Variants in SYNC observed in about 807,000 individuals in gnomAD.
SYNC encodes syncoilin.
A neutral mutation model predicts 49.5 loss-of-function variants in SYNC; 38 were observed. The observed-to-expected ratio is 0.77, with a 90% CI of 0.59 to 1.01. The LOEUF (loss-of-function observed/expected upper bound fraction) is 1.01, where lower values mean the gene tolerates loss of function less well. Ranked by LOEUF, SYNC falls within the 50% of genes least tolerant of loss-of-function variation. The pLI is 0.00. For missense variants in SYNC, 579 were observed against 580.6 expected (o/e 1.00, Z 0.03); for synonymous variants, 201 against 230.8 (o/e 0.87, Z 1.17).
chr1:32,689,863 C>T (rs1362911552), intron 2 of SYNC, among the ~76,000 whole-genome samples: 1 of 150,864 alleles, frequency 6.6e-6, no homozygotes, highest in Non-Finnish European at 1.5e-5. Flanking sequence ...ATCGCTTGAA[C>T]CCGGGAGGCA....
At chr1:32,696,658 C>T (rs1168208629) in intron 1 of SYNC, among the ~76,000 whole-genome samples, 1 of 152,178 alleles carries the variant, frequency 6.6e-6, no homozygotes, top group African/African-American at 2.4e-5. Flanking sequence ...CCATGTTAGT[C>T]AGGCTGTTCT....
chr1:32,701,117 G>T (rs1380396997), intron 1 of SYNC, among the ~76,000 whole-genome samples: 1 of 152,078 alleles, frequency 6.6e-6, no homozygotes, highest in Non-Finnish European at 1.5e-5. Flanking sequence ...GTTTCACCAT[G>T]TTGGCCGGGC....
rs150694926 is a variant in SYNC at position 32,695,052 on chromosome 1, C to T, written c.1046G>A (p.Arg349Gln). ...LEEEYEPQFL[R>Q]LLERKEAGTK... is the part of the protein sequence containing the mutation. ...CCCAGCTTCTTTCCTCTCTAGGAGC[C>T]GCAGGAACTGAGGCTCATACTCCTC... The change falls in exon 2 of 5, where the codon CGG becomes CAG. Residue 349 changes from arginine (R) to glutamine (Q), a missense_variant. Coordinates refer to ENST00000409190, the MANE Select transcript of SYNC (RefSeq NM_030786.3). The T allele has an allele frequency of 4.5e-4, 733 of 1,613,482 alleles. 1 individual carries two copies. The highest frequency in any genetic ancestry group is 5.7e-4 in the Non-Finnish European group (672 of 1,179,980).
chr1:32,699,890 G>A (rs1387280979), intron 1 of SYNC, among the ~76,000 whole-genome samples: 1 of 151,688 alleles, frequency 6.6e-6, no homozygotes, highest in Non-Finnish European at 1.5e-5. Flanking sequence ...CCACCACCAT[G>A]CCTGGCTAAT....
At chr1:32,686,348 C>T (rs1375401721) in intron 2 of SYNC, 1 of 152,194 alleles carries the variant, frequency 6.6e-6, no homozygotes, top group African/African-American at 2.4e-5. Flanking sequence ...CTTTTTTCAC[C>T]TAGACAGCCA....
intron 4 of SYNC, chr1:32,682,685 C>T (rs1649523865): frequency 6.6e-6 from 1 of 151,540 alleles, no homozygotes. Context: ...GCAGGAAAAT[C>T]ACTTGAACCC....
At position 32,684,283 on chromosome 1, in the gene SYNC, G is replaced by T; in HGVS notation, c.1333C>A (p.Leu445Ile). The T allele has an allele frequency of 6.2e-7, 1 of 1,614,208 alleles. No individual in the cohort carries two copies. The highest frequency in any genetic ancestry group is 8.5e-7 in the Non-Finnish European group (1 of 1,180,040). ...TTATAAGTAGAGAGCTCTTCAGCAA[G>T]ACTGAGCCTTAGCTGTTCCATCTCT... is the stretch of plus-strand genomic sequence containing the variant. ...NKEMEQLRLS[L>I]AEELSTYKAM... Residue 445 changes from leucine (L) to isoleucine (I), a missense_variant, in exon 3 of 5, where the codon CTT becomes ATT. Physicochemically the swap from Leu to Ile is conservative, Grantham distance 5. Coordinates refer to ENST00000409190, the MANE Select transcript of SYNC (RefSeq NM_030786.3).
intron 1 of SYNC, among the ~76,000 whole-genome samples, chr1:32,699,331 T>C (rs1196203071): frequency 6.6e-6 from 1 of 151,576 alleles, no homozygotes; most frequent in Non-Finnish European, 1.5e-5. Context: ...TTTTTGTGTA[T>C]TTAGTAGAGA....
chr1:32,702,635 C>T lies in SYNC; in HGVS notation c.26G>A (p.Gly9Asp). Reference sequence around the variant, plus strand: ...CGCGGCCTGGGCGGCGCCGTCCCCGCCGCGCCGGGGCTCCGGGCTGGCCAT... The same window carrying T: ...CGCGGCCTGGGCGGCGCCGTCCCCGTCGCGCCGGGGCTCCGGGCTGGCCAT... MASPEPRRGGDGAAQAARK... is the reference protein window; with the variant it reads MASPEPRRDGDGAAQAARK... The change falls in exon 1 of 5, where the codon GGC becomes GAC. Residue 9 changes from glycine (G) to aspartate (D), a missense_variant. Gly to Asp is a moderately conservative substitution (Grantham distance 94, BLOSUM62 -1). Coordinates refer to ENST00000409190, the MANE Select transcript of SYNC (RefSeq NM_030786.3). This position sits in a 1 kb window ranked among gnomAD's most constrained non-coding sequence, Gnocchi z 6.2. The T allele has an allele frequency of 1.6e-6, 2 of 1,214,622 alleles. No individual in the cohort carries two copies. Among genetic ancestry groups the T allele is most frequent in the Non-Finnish European group, 2.0e-6 (2 of 977,152 alleles). 75.2% of individuals were successfully genotyped at this position (1,214,622 alleles called of 1,614,324 possible).
intron 2 of SYNC, among the ~76,000 whole-genome samples, chr1:32,688,681 G>C (rs908219590): frequency 6.6e-6 from 1 of 150,718 alleles, no homozygotes; most frequent in African/African-American, 2.4e-5. Context: ...CCACCTTGCG[G>C]GTTCAGGCAA....
In SYNC at chr1:32,681,193, G is replaced by A. The variant is rs1328697046; in HGVS notation, c.*657C>T. 1 of 152,396 alleles carries A rather than the reference G, an allele frequency of 6.6e-6. No homozygotes were observed. Among genetic ancestry groups the A allele is most frequent in the Non-Finnish European group, 1.5e-5 (1 of 68,134 alleles). The allele number at this position is 152,396 out of a possible 1,614,324, so 9.4% of individuals were successfully genotyped here. ...TCTGACCCAGAACTACTTTCATGAG[G>A]TAAGATCTTTGGGAAAATCTGAATA... On this transcript the variant is annotated 3_prime_UTR_variant, in exon 5 of 5. Coordinates refer to ENST00000409190, the MANE Select transcript of SYNC (RefSeq NM_030786.3).
At position 32,681,578 on chromosome 1, in the gene SYNC, A is replaced by T. The variant is rs11809190; in HGVS notation, c.*272T>A. On this transcript the variant is annotated 3_prime_UTR_variant, in exon 5 of 5. Coordinates refer to ENST00000409190, the MANE Select transcript of SYNC (RefSeq NM_030786.3). ...TATGTGAGGGTTGTTGCTGGAAGAC[A>T]GGAGGCTCATCTTTCCTTTCCTTGG... is the stretch of plus-strand genomic sequence containing the variant. The T allele has an allele frequency of 0.071, 40,029 of 566,372 alleles. 2,955 individuals carry two copies. Among genetic ancestry groups the T allele is most frequent in the African/African-American group, 0.26 (13,900 of 53,074 alleles). The allele number at this position is 566,372 out of a possible 1,614,324, so 35.1% of individuals were successfully genotyped here.
intron 4 of SYNC, 189 bp downstream of exon 4, chr1:32,683,821 T>TG: frequency 1.7e-6 from 1 of 580,702 alleles, no homozygotes. Flanking sequence ...TTAGTGGAGA[T>TG]GGAGTTTTGC....
Position 32,681,792 on chromosome 1 carries a change from T to C in SYNC, c.*58A>G, listed in dbSNP as rs1420440481. 6.2e-7 allele frequency: 1 copy of C among 1,613,934 alleles called. No individual in the cohort carries two copies. The highest frequency in any genetic ancestry group is 2.2e-5 in the East Asian group (1 of 44,880). ...AAGAGTACATCCAAAGGGTACTTAG[T>C]GATCCTTTGCTAAGAAGTTTTTTGC... On this transcript the variant is annotated 3_prime_UTR_variant, in exon 5 of 5. Coordinates refer to ENST00000409190, the MANE Select transcript of SYNC (RefSeq NM_030786.3).
intron 2 of SYNC, among the ~76,000 whole-genome samples, chr1:32,686,730 C>G (rs943488938): frequency 6.6e-6 from 1 of 152,158 alleles, no homozygotes; most frequent in Non-Finnish European, 1.5e-5. Context: ...CCTTGCAACC[C>G]TATGGATATG....
intron 2 of SYNC, 47 bp downstream of exon 2, chr1:32,694,818 T>C (rs765696702): frequency 6.0e-6 from 9 of 1,498,456 alleles, no homozygotes; most frequent in Non-Finnish European, 8.1e-6. Flanking sequence ...GGCCACTCTT[T>C]CCCCAGGTTA....
chr1:32,696,970 A>G lies in SYNC; in HGVS notation c.54-926T>C, dbSNP rs560946832. On this transcript the variant is annotated intron_variant, in intron 1 of 4. Coordinates refer to ENST00000409190, the MANE Select transcript of SYNC (RefSeq NM_030786.3). ...ACCATGTTGGCCAGGCTGGTCTCAAACTCCTGACCTCAAGTGATCCGCCCT... is the reference window on the plus strand; with the variant it reads ...ACCATGTTGGCCAGGCTGGTCTCAAGCTCCTGACCTCAAGTGATCCGCCCT... Among the ~76,000 whole-genome samples, 10 of 149,966 alleles carry G rather than the reference A, an allele frequency of 6.7e-5. No homozygotes were observed. In the South Asian group the frequency reaches 2.1e-3, roughly 32 times the overall value.
At chr1:32,684,484 G>T in intron 2 of SYNC, 102 bp from the exon 3 acceptor site, 1 of 1,532,744 alleles carries the variant, frequency 6.5e-7, no homozygotes. Context: ...GTTTAATCTT[G>T]ATAGCAGTAT....
At chr1:32,689,865 C>T (rs1175612623) in intron 2 of SYNC, among the ~76,000 whole-genome samples, 5 of 150,080 alleles carry the variant, frequency 3.3e-5, no homozygotes, top group East Asian at 3.9e-4. Context: ...CGCTTGAACC[C>T]GGGAGGCAGA....
Sources: allele counts gnomAD v4.1 joint callset (sites outside exome capture counted in the v4.1 genomes callset), GRCh38; gene constraint gnomAD v4.1.1; non-coding constraint Gnocchi (gnomAD v3.1); transcripts MANE v1.5; gene names NCBI Gene and HGNC (gene_info 2026-07-23, HGNC 2026-07-21).